The following CYFIP1 variants were observed in gnomAD, a reference collection of about 807,000 sequenced individuals.
The protein encoded by CYFIP1 is cytoplasmic FMR1 interacting protein 1.
In CYFIP1, 58 loss-of-function variants were observed where a neutral mutation model predicts 163.5. That is an observed-to-expected ratio of 0.35 (90% confidence interval 0.29 to 0.44). The LOEUF (loss-of-function observed/expected upper bound fraction) is 0.44. Among genes scored for constraint, CYFIP1 ranks in the 20% least tolerant of loss-of-function variants. The pLI is 1.00. For missense variants in CYFIP1, 1,338 were observed against 1,653.8 expected, an observed-to-expected ratio of 0.81 and a Z score of 3.31; for synonymous variants, 663 against 660.7, an observed-to-expected ratio of 1.00 and a Z score of -0.05.
At chr15:22,964,853 A>G (rs939629182) in intron 1 of CYFIP1, among the ~76,000 whole-genome samples, 1 of 152,174 alleles carries the variant, frequency 6.6e-6, no homozygotes, top group African/African-American at 2.4e-5. Flanking sequence ...GGTTATTTGC[A>G]GCGACCCTCA....
At chr15:22,978,944 C>A (rs901695329) in intron 1 of CYFIP1, among the ~76,000 whole-genome samples, 1 of 152,130 alleles carries the variant, frequency 6.6e-6, no homozygotes, top group Admixed American at 6.5e-5. Flanking sequence ...AGTCCATGCA[C>A]CTGCTACAGC....
At chr15:22,974,773 C>A (rs965548160) in intron 1 of CYFIP1, among the ~76,000 whole-genome samples, 1 of 152,164 alleles carries the variant, frequency 6.6e-6, no homozygotes, top group Non-Finnish European at 1.5e-5. Flanking sequence ...GGTTGTTGCA[C>A]AGCTCCAGAA....
intron 25 of CYFIP1, among the ~76,000 whole-genome samples, chr15:22,880,347 C>T (rs190993496): frequency 2.5e-4 from 38 of 152,310 alleles, no homozygotes; most frequent in Non-Finnish European, 3.7e-4. Context: ...ACAAAGACTG[C>T]ACCACATCCC....
intron 22 of CYFIP1, among the ~76,000 whole-genome samples, chr15:22,902,192 C>T (rs1286756169): frequency 9.2e-5 from 14 of 152,258 alleles, no homozygotes; most frequent in Admixed American, 9.2e-4. Flanking sequence ...CTCCTGCCGC[C>T]CACAGTGGGG....
chr15:22,944,742 G>T, intron 4 of CYFIP1, 83 bp from the exon 5 acceptor site: 1 of 1,513,198 alleles, frequency 6.6e-7, no homozygotes, highest in Non-Finnish European at 9.2e-7. Flanking sequence ...TAGTGATCCC[G>T]CCCTGCTGTG....
chr15:22,916,774 G>A (rs752975487), intron 15 of CYFIP1, 144 bp from the exon 16 acceptor site: 2 of 1,601,426 alleles, frequency 1.2e-6, no homozygotes, highest in East Asian at 2.3e-5. Context: ...AGGGGTCCGG[G>A]TGCCTGTCTA....
chr15:22,912,271 C>T lies in CYFIP1; in HGVS notation c.1990G>A (p.Val664Met), dbSNP rs749204202. The part of the protein sequence containing the change: ...ETKEASMMEY[V>M]LYSLDLYNDS... Reference sequence around the variant, plus strand: ...TTGTACAGGTCCAGGGAGTAGAGCACGTACCTGCAGAGGACAGCAGCAGTG... The same window carrying T: ...TTGTACAGGTCCAGGGAGTAGAGCATGTACCTGCAGAGGACAGCAGCAGTG... The change falls in exon 18 of 31, where the codon GTG (valine) becomes ATG (methionine). Residue 664 changes from valine (V) to methionine (M), a missense_variant. Val to Met is a conservative substitution (Grantham distance 21, BLOSUM62 1). Transcript: ENST00000617928. 7 of 1,611,842 alleles carry T rather than the reference C, an allele frequency of 4.3e-6. No homozygotes were observed. The highest frequency in any genetic ancestry group is 2.2e-5 in the East Asian group (1 of 44,754).
At chr15:22,974,278 T>G (rs1255194845) in intron 1 of CYFIP1, among the ~76,000 whole-genome samples, 1 of 152,150 alleles carries the variant, frequency 6.6e-6, no homozygotes, top group Non-Finnish European at 1.5e-5. Flanking sequence ...TCAACCTAAC[T>G]GTCCATCAAC....
At chr15:22,951,639 C>T (rs1040289117) in intron 1 of CYFIP1, 9 of 1,047,178 alleles carry the variant, frequency 8.6e-6, no homozygotes, top group African/African-American at 8.2e-5. Context: ...CCGGGCCCCA[C>T]GCGGGTCAAC....
At chr15:22,883,529 A>G (rs2059832449) in intron 23 of CYFIP1, among the ~76,000 whole-genome samples, 1 of 152,196 alleles carries the variant, frequency 6.6e-6, no homozygotes, top group African/African-American at 2.4e-5. Flanking sequence ...AAAAAAAAGC[A>G]GGTTTAGGCC....
At chr15:22,870,637 A>G (rs2059408655) in intron 30 of CYFIP1, among the ~76,000 whole-genome samples, 1 of 152,162 alleles carries the variant, frequency 6.6e-6, no homozygotes, top group Non-Finnish European at 1.5e-5. Context: ...TTAATGCAAC[A>G]GTTGGAAGGA....
intron 30 of CYFIP1, among the ~76,000 whole-genome samples, chr15:22,871,413 G>A (rs1011800543): frequency 6.6e-6 from 1 of 152,232 alleles, no homozygotes; most frequent in Admixed American, 6.5e-5. Flanking sequence ...TATTTTCAGA[G>A]TAAAAGCTCA....
intron 1 of CYFIP1, among the ~76,000 whole-genome samples, chr15:22,953,469 T>C (rs2062331038): frequency 6.6e-6 from 1 of 152,052 alleles, no homozygotes; most frequent in Non-Finnish European, 1.5e-5. Flanking sequence ...CCTTTTGTCC[T>C]CCCATGAATG....
intron 23 of CYFIP1, among the ~76,000 whole-genome samples, chr15:22,892,278 C>T (rs1487348659): frequency 3.3e-5 from 5 of 152,228 alleles, no homozygotes; most frequent in South Asian, 4.1e-4. Flanking sequence ...CTAAATCACA[C>T]GGGTGCTTGA....
chr15:22,901,202 CAAAAAAACAA>C (rs1223670778), intron 22 of CYFIP1, among the ~76,000 whole-genome samples: 49 of 138,694 alleles, frequency 3.5e-4, no homozygotes, highest in African/African-American at 1.3e-3. Context: ...GACTCTGTCA[CAAAAAAACAA>C]AAAAAAAAAC....
At chr15:22,921,764 CAA>C (rs35027433) in intron 13 of CYFIP1, among the ~76,000 whole-genome samples, 4 of 58,184 alleles carry the variant, frequency 6.9e-5, no homozygotes, top group Admixed American at 3.6e-4. Context: ...GACTCTGTCT[CAA>C]AAAAAAAAAA....
At chr15:22,935,446 G>A (rs1377711628) in intron 9 of CYFIP1, among the ~76,000 whole-genome samples, 1 of 152,194 alleles carries the variant, frequency 6.6e-6, no homozygotes, top group African/African-American at 2.4e-5. Context: ...AGATCTAGGT[G>A]AAAAAGGAGA....
rs141133699 is a variant in CYFIP1, at chr15:22,963,940, G to T, written c.-7+16347C>A. Among the ~76,000 whole-genome samples the T allele has an allele frequency of 4.6e-5, 7 of 152,230 alleles. No homozygotes were observed. In the South Asian group the frequency reaches 1.5e-3, roughly 32 times the overall value. ...TCAGTGTTATAATCAGAATGCTTCA[G>T]ATCATTGCAAAAGAGCTGGGTTTTG... On this transcript the variant is annotated intron_variant, in intron 1 of 30. Coordinates refer to ENST00000617928, the MANE Select transcript of CYFIP1 (RefSeq NM_014608.6).
At chr15:22,946,397 T>C (rs1467528531) in intron 3 of CYFIP1, among the ~76,000 whole-genome samples, 1 of 151,958 alleles carries the variant, frequency 6.6e-6, no homozygotes. Flanking sequence ...TCCCAGCACT[T>C]TGGGAGGCTA....
Sources: allele counts gnomAD v4.1 joint callset (sites outside exome capture counted in the v4.1 genomes callset), GRCh38; gene constraint gnomAD v4.1.1; transcripts MANE v1.5; gene names NCBI Gene and HGNC (gene_info 2026-07-23, HGNC 2026-07-21).